The following FOXN3 variants were observed in gnomAD, a reference collection of about 807,000 sequenced individuals.
FOXN3 encodes the protein forkhead box protein N3.
Under a neutral mutation model 38.4 loss-of-function variants are expected in FOXN3, and 7 were observed. The observed-to-expected ratio is 0.18, with a 90% CI of 0.10 to 0.34. FOXN3 has a LOEUF of 0.34. Ranked by LOEUF, FOXN3 falls within the 10% of genes least tolerant of loss-of-function variation. The pLI is 1.00. For synonymous variants in FOXN3, 230 were observed against 242.2 expected (o/e 0.95, Z 0.47); for missense variants, 456 against 613.4 (o/e 0.74, Z 2.71).
chr14:89,465,315 C>T (rs538994193), intron 1 of FOXN3, among the ~76,000 whole-genome samples: 19 of 152,252 alleles, frequency 1.2e-4, no homozygotes, highest in African/African-American at 3.1e-4. Flanking sequence ...CTGCAACCTC[C>T]GCCTCCCAGG....
chr14:89,465,376 C>T (rs9323841), intron 1 of FOXN3, among the ~76,000 whole-genome samples: 6,941 of 152,236 alleles, frequency 0.046, 325 homozygotes, highest in African/African-American at 0.12. Flanking sequence ...ACTACAGGCA[C>T]CCGCCACCAC....
At chr14:89,362,410 A>T (rs1413443538) in intron 2 of FOXN3, among the ~76,000 whole-genome samples, 1 of 12,522 alleles carries the variant, frequency 8.0e-5, no homozygotes, top group Admixed American at 1.7e-3. Flanking sequence ...CACCACCACC[A>T]CCTCCTCCTC....
At chr14:89,370,616 T>C (rs1223336174) in intron 2 of FOXN3, among the ~76,000 whole-genome samples, 1 of 152,252 alleles carries the variant, frequency 6.6e-6, no homozygotes, top group Non-Finnish European at 1.5e-5. Flanking sequence ...AAGTGTGTGC[T>C]ACTTTAGAAA....
At chr14:89,309,592 G>A (rs1887471986) in intron 3 of FOXN3, among the ~76,000 whole-genome samples, 1 of 152,164 alleles carries the variant, frequency 6.6e-6, no homozygotes, top group Non-Finnish European at 1.5e-5. Flanking sequence ...GAGGCTGAGG[G>A]GGAGATGCAC....
chr14:89,325,982 A>G (rs1888072564), intron 3 of FOXN3, among the ~76,000 whole-genome samples: 1 of 152,254 alleles, frequency 6.6e-6, no homozygotes, highest in Non-Finnish European at 1.5e-5. Flanking sequence ...GGGAATTATT[A>G]GAGACAGAGG....
chr14:89,540,688 A>C (rs1894775901), intron 1 of FOXN3, among the ~76,000 whole-genome samples: 2 of 150,886 alleles, frequency 1.3e-5, no homozygotes, highest in African/African-American at 4.9e-5. Context: ...TAGTGAGCCG[A>C]GATTGCAACA....
intron 2 of FOXN3, among the ~76,000 whole-genome samples, chr14:89,395,721 G>A (rs1322545939): frequency 6.6e-6 from 1 of 152,044 alleles, no homozygotes; most frequent in African/African-American, 2.4e-5. Context: ...TACCACACAG[G>A]AGTAGTGTAA....
chr14:89,306,214 T>C (rs1214213241), intron 3 of FOXN3, among the ~76,000 whole-genome samples: 1 of 152,162 alleles, frequency 6.6e-6, no homozygotes. Context: ...AAACTGCTGG[T>C]GGCAGGCTCC....
intron 3 of FOXN3, among the ~76,000 whole-genome samples, chr14:89,333,963 T>A (rs1888345917): frequency 5.4e-5 from 1 of 18,546 alleles, no homozygotes; most frequent in Admixed American, 9.6e-4. Flanking sequence ...GAAAATGTGG[T>A]GTGTATATAT....
intron 2 of FOXN3, among the ~76,000 whole-genome samples, chr14:89,377,011 A>T (rs1890495574): frequency 7.9e-6 from 1 of 127,208 alleles, no homozygotes; most frequent in African/African-American, 3.1e-5. Context: ...AAAGATCAAG[A>T]CTCTGTCTCA....
At chr14:89,415,604 CAAAAAAAA>C (rs34026101) in intron 1 of FOXN3, among the ~76,000 whole-genome samples, 27 of 54,284 alleles carry the variant, frequency 5.0e-4, no homozygotes, top group South Asian at 1.6e-3. Context: ...CAACAATAAC[CAAAAAAAA>C]AAAAAAAAAA....
At chr14:89,595,032 T>G (rs754613558) in intron 1 of FOXN3, among the ~76,000 whole-genome samples, 4 of 151,966 alleles carry the variant, frequency 2.6e-5, no homozygotes, top group Non-Finnish European at 4.4e-5. Flanking sequence ...AAGTAAGTCT[T>G]CCGGCCAGGC....
chr14:89,481,163 G>T (rs774976735), intron 1 of FOXN3, among the ~76,000 whole-genome samples: 6 of 151,974 alleles, frequency 3.9e-5, no homozygotes, highest in Non-Finnish European at 8.8e-5. Flanking sequence ...TTTGGGTTGG[G>T]AAGGGGCCTG....
intron 2 of FOXN3, among the ~76,000 whole-genome samples, chr14:89,363,968 ATATATATATATATATATATAAT>A (rs369396057): frequency 0.12 from 14,760 of 120,366 alleles, 1,155 homozygotes; most frequent in Non-Finnish European, 0.15. Flanking sequence ...ATATATATAT[ATATATATATATATATATATAAT>A]ATATATATAT....
At position 89,431,304 on chromosome 14, in the gene FOXN3, G is replaced by A. The variant is rs115429988; in HGVS notation, c.-14-18814C>T. Among the ~76,000 whole-genome samples, 1,102 of 152,104 alleles carry A rather than the reference G, an allele frequency of 7.2e-3. 12 individuals carry two copies. Among genetic ancestry groups the A allele is most frequent in the African/African-American group, 0.025 (1,052 of 41,476 alleles). On this transcript the variant is annotated intron_variant, in intron 1 of 6. Coordinates refer to the FOXN3 transcript ENST00000345097. The stretch of plus-strand genomic sequence containing the variant: ...CAACTTCTTCAGCTTCACTTGAACC[G>A]GGTTCAAGTGATTCTCCTGCCTTAG...
At chr14:89,288,731 TA>T (rs1886757408) in intron 3 of FOXN3, among the ~76,000 whole-genome samples, 1 of 27,258 alleles carries the variant, frequency 3.7e-5, no homozygotes, top group Admixed American at 5.2e-4. Context: ...TCTCTATATA[TA>T]TATATATATA....
intron 4 of FOXN3, chr14:89,230,845 T>C (rs1280071876): frequency 6.6e-6 from 3 of 455,868 alleles, no homozygotes; most frequent in Non-Finnish European, 1.3e-5. Flanking sequence ...TGTTTCTCAA[T>C]GGAGATGAAG....
chr14:89,464,168 G>A (rs1179041700), intron 1 of FOXN3, among the ~76,000 whole-genome samples: 1 of 152,216 alleles, frequency 6.6e-6, no homozygotes, highest in Non-Finnish European at 1.5e-5. Flanking sequence ...TCTCAGCTGA[G>A]TAGAGATGTG....
Position 89,284,914 on chromosome 14 carries a change from C to T in FOXN3, c.681-3900G>A, listed in dbSNP as rs182769651. On this transcript the variant is annotated intron_variant, in intron 3 of 5. Coordinates refer to ENST00000557258, the MANE Select transcript of FOXN3 (RefSeq NM_005197.4). ...CCCGGCGGCTGCCAGAGACTCAGCC[C>T]TCAGTAATTCCCGGATCCCACACTC... is the stretch of plus-strand genomic sequence containing the variant. 4.9e-4 allele frequency among the ~76,000 whole-genome samples: 75 copies of T among 152,288 alleles called. 1 individual carries two copies. The highest frequency in any genetic ancestry group is 1.7e-3 in the African/African-American group (71 of 41,560).
Sources: allele counts gnomAD v4.1 joint callset (sites outside exome capture counted in the v4.1 genomes callset), GRCh38; gene constraint gnomAD v4.1.1; transcripts MANE v1.5; gene names NCBI Gene and HGNC (gene_info 2026-07-23, HGNC 2026-07-21).